CA5A: variants seen among roughly 807,000 people sequenced by gnomAD.
CA5A encodes carbonic anhydrase 5A, also known as carbonic anhydrase 5A, mitochondrial.
In CA5A, 28 loss-of-function variants were observed where a neutral mutation model predicts 37.1. The observed-to-expected ratio is 0.75, with a 90% CI of 0.56 to 1.03. CA5A has a LOEUF of 1.03. CA5A is among the 50% of genes least tolerant of loss of function. The pLI, the probability that CA5A is intolerant of heterozygous loss-of-function variation, is 0.00. For synonymous variants in CA5A, 171 were observed against 158.4 expected, an observed-to-expected ratio of 1.08 and a Z score of -0.60; for missense variants, 444 against 399.9, an observed-to-expected ratio of 1.11 and a Z score of -0.94.
At chr16:87,898,193 G>A (rs746915097) in intron 5 of CA5A, among the ~76,000 whole-genome samples, 1 of 152,222 alleles carries the variant, frequency 6.6e-6, no homozygotes, top group East Asian at 1.9e-4. Context: ...TGGGGACTAC[G>A]TGACTCTGGT....
intron 2 of CA5A, among the ~76,000 whole-genome samples, chr16:87,917,018 T>C (rs1443514574): frequency 1.2e-4 from 18 of 147,506 alleles, no homozygotes; most frequent in Non-Finnish European, 4.4e-5. Flanking sequence ...GGCAGGAGAA[T>C]GGTGTGAACC....
At chr16:87,927,425 A>T (rs1249370398) in intron 1 of CA5A, among the ~76,000 whole-genome samples, 1 of 152,200 alleles carries the variant, frequency 6.6e-6, no homozygotes, top group East Asian at 1.9e-4. Flanking sequence ...TTGGAAGCCC[A>T]ACTCTCCAAG....
At chr16:87,915,697 A>G (rs8060388) in intron 2 of CA5A, among the ~76,000 whole-genome samples, 824 of 80,546 alleles carry the variant, frequency 0.01, 6 homozygotes, top group African/African-American at 0.015. Context: ...TCCAAAAAAA[A>G]AAAAAAAAAA....
intron 2 of CA5A, among the ~76,000 whole-genome samples, chr16:87,921,687 G>A (rs1035742154): frequency 3.9e-5 from 6 of 152,134 alleles, no homozygotes; most frequent in African/African-American, 1.4e-4. Context: ...GGACCCAGGA[G>A]GCAGGAGGAT....
At chr16:87,924,172 T>C (rs996785494) in intron 2 of CA5A, 1 of 985,332 alleles carries the variant, frequency 1.0e-6, no homozygotes, top group Admixed American at 6.1e-5. Flanking sequence ...GAGCTGGTCT[T>C]GTCCTTCCAA....
intron 2 of CA5A, among the ~76,000 whole-genome samples, chr16:87,923,120 C>T (rs561711521): frequency 1.3e-5 from 2 of 152,296 alleles, no homozygotes; most frequent in African/African-American, 2.4e-5. Flanking sequence ...TTTGTTCTTA[C>T]GTAAAATGAG....
chr16:87,916,677 C>T (rs1007697721), intron 2 of CA5A, among the ~76,000 whole-genome samples: 2 of 152,172 alleles, frequency 1.3e-5, no homozygotes, highest in African/African-American at 2.4e-5. Context: ...ATTTTCTTAT[C>T]CCACCAGAAG....
At position 87,888,330 on chromosome 16, in the gene CA5A, G is replaced by C. The variant is rs1252127561; in HGVS notation, c.775-58C>G. 8 of 1,511,476 alleles carry C rather than the reference G, an allele frequency of 5.3e-6. No individual in the cohort carries two copies. The African/African-American group carries it at 1.1e-4, about 21-fold the overall frequency. 93.6% of individuals were successfully genotyped at this position (1,511,476 alleles called of 1,614,324 possible). On this transcript the variant is annotated intron_variant, in intron 6 of 6. Transcript: ENST00000649794. ...ATGAGTGCAGGGTGAGCCAGCCTCTGGGTGTCCCTCAGGCCTTATGTGGTC... is the reference window on the plus strand; with the variant it reads ...ATGAGTGCAGGGTGAGCCAGCCTCTCGGTGTCCCTCAGGCCTTATGTGGTC...
downstream of CA5A, chr16:87,886,184 T>G (rs994365276): frequency 6.8e-6 from 1 of 147,182 alleles, no homozygotes; most frequent in African/African-American, 2.5e-5. Flanking sequence ...AGTTTCGCTC[T>G]TGTTTCCCAG....
At chr16:87,918,849 A>G (rs541607596) in intron 2 of CA5A, among the ~76,000 whole-genome samples, 1 of 152,346 alleles carries the variant, frequency 6.6e-6, no homozygotes, top group South Asian at 2.1e-4. Flanking sequence ...CAAAGAGGAC[A>G]GAAAATCTGT....
At chr16:87,936,077 C>T (rs926560908) in intron 1 of CA5A, among the ~76,000 whole-genome samples, 1 of 150,616 alleles carries the variant, frequency 6.6e-6, no homozygotes, top group Non-Finnish European at 1.5e-5. Flanking sequence ...GAAGCTGAGG[C>T]AGGAGAATCG....
intron 4 of CA5A, chr16:87,882,836 T>G (rs958033482): frequency 1.3e-5 from 2 of 152,506 alleles, no homozygotes; most frequent in African/African-American, 4.8e-5. Flanking sequence ...TTCGACTCCT[T>G]CAACCCAATC....
intron 1 of CA5A, among the ~76,000 whole-genome samples, chr16:87,928,429 C>G (rs2056344983): frequency 6.6e-6 from 1 of 152,188 alleles, no homozygotes; most frequent in African/African-American, 2.4e-5. Context: ...CAAAGTGAGG[C>G]AGGCATCTCC....
intron 5 of CA5A, chr16:87,893,030 T>C (rs773042687): frequency 3.2e-6 from 4 of 1,231,484 alleles, no homozygotes; most frequent in Non-Finnish European, 4.6e-6. Flanking sequence ...CAGACAAGAA[T>C]GTGCCCAACC....
intron 2 of CA5A, among the ~76,000 whole-genome samples, chr16:87,910,618 C>T (rs1163736287): frequency 6.6e-6 from 1 of 152,080 alleles, no homozygotes; most frequent in Non-Finnish European, 1.5e-5. Flanking sequence ...CACTCTGTTA[C>T]CCAGGCTGGA....
intron 1 of CA5A, among the ~76,000 whole-genome samples, chr16:87,927,925 CT>C (rs1238598246): frequency 2.0e-5 from 3 of 151,762 alleles, no homozygotes; most frequent in Non-Finnish European, 2.9e-5. Flanking sequence ...ATTGCACCCC[CT>C]GGTGTGTGTC....
chr16:87,917,594 A>G (rs957632599), intron 2 of CA5A, among the ~76,000 whole-genome samples: 10 of 152,214 alleles, frequency 6.6e-5, no homozygotes, highest in Non-Finnish European at 1.5e-4. Context: ...ACGTGTGCAC[A>G]CATGCACACA....
intron 2 of CA5A, among the ~76,000 whole-genome samples, chr16:87,912,696 T>C (rs574011848): frequency 5.9e-5 from 9 of 152,352 alleles, no homozygotes; most frequent in African/African-American, 2.2e-4. Context: ...GTGTGGGCTT[T>C]GGGGCCCTAA....
Position 87,927,397 on chromosome 16 carries a change from G to A in CA5A, c.143-452C>T, listed in dbSNP as rs1321559458. Among the ~76,000 whole-genome samples the A allele has an allele frequency of 3.3e-5, 5 of 152,180 alleles. No homozygotes were observed. The South Asian group carries it at 8.3e-4, about 25-fold the overall frequency. ...CCCAGGTACCCCACCTAGTGGTCCT[G>A]TGGAAACTGGAGCTGCTTTGGAAGC... On this transcript the variant is annotated intron_variant, in intron 1 of 6. Transcript: ENST00000649794.
Sources: gnomAD v4.1 joint callset for allele counts (sites outside exome capture counted in the v4.1 genomes callset) on GRCh38, gnomAD v4.1.1 for gene constraint, MANE v1.5 for transcripts, NCBI Gene and HGNC (gene_info 2026-07-23, HGNC 2026-07-21) for gene names.